The following SLC27A2 variants were observed in gnomAD, a reference collection of about 807,000 sequenced individuals.
SLC27A2 encodes the protein long-chain fatty acid transport protein 2.
In SLC27A2, 54 loss-of-function variants were observed where a neutral mutation model predicts 60.0. The ratio of observed to expected loss-of-function variants is 0.90; its 90% confidence interval spans 0.72 to 1.13. The LOEUF (loss-of-function observed/expected upper bound fraction) is 1.13. Ranked by LOEUF, SLC27A2 falls within the 50% of genes most tolerant of loss-of-function variation. The pLI is 0.00. For synonymous variants in SLC27A2, 297 were observed against 297.6 expected, an observed-to-expected ratio of 1.00 and a Z score of 0.02; for missense variants, 739 against 777.6, an observed-to-expected ratio of 0.95 and a Z score of 0.59.
intron 1 of SLC27A2, 98 bp downstream of exon 1, chr15:50,183,003 A>C (rs544586181): frequency 1.7e-6 from 2 of 1,210,586 alleles, no homozygotes; most frequent in Admixed American, 4.5e-5. Flanking sequence ...AGGGAGGTTC[A>C]GATCGGAACT....
intron 4 of SLC27A2, among the ~76,000 whole-genome samples, chr15:50,208,425 T>G (rs28464719): frequency 0.021 from 3,216 of 152,250 alleles, 101 homozygotes; most frequent in African/African-American, 0.075. Flanking sequence ...TCTCTAAATC[T>G]CAGCTTCCCG....
intron 1 of SLC27A2, among the ~76,000 whole-genome samples, chr15:50,184,706 G>A (rs928882860): frequency 3.3e-5 from 5 of 151,748 alleles, no homozygotes; most frequent in Admixed American, 6.6e-5. Context: ...GCATGGTGGC[G>A]CGTGCCTGTA....
At position 50,182,520 on chromosome 15, in the gene SLC27A2, C is replaced by T. The variant is rs2044864803; in HGVS notation, c.93C>T (p.Gly31=). The T allele has an allele frequency of 6.2e-7, 1 of 1,612,302 alleles. No homozygotes were observed. The highest frequency in any genetic ancestry group is 8.5e-7 in the Non-Finnish European group (1 of 1,179,328). The stretch of plus-strand genomic sequence containing the variant: ...GCCCATACTTCTTCCAGGACATAGG[C>T]TACTTCTTGAAGGTGGCCGCCGTGG... ...LCCPYFFQDI[G]YFLKVAAVGR... Residue 31 remains glycine (G), a synonymous_variant, in exon 1 of 10, where the codon GGC becomes GGT. Transcript: ENST00000267842.
chr15:50,231,276 T>C (rs1313103667), intron 8 of SLC27A2, among the ~76,000 whole-genome samples: 1 of 151,734 alleles, frequency 6.6e-6, no homozygotes, highest in Non-Finnish European at 1.5e-5. Flanking sequence ...GCCTCCTGAG[T>C]AGCTGGGATT....
At chr15:50,203,453 C>T (rs2045082403) in intron 3 of SLC27A2, among the ~76,000 whole-genome samples, 1 of 152,076 alleles carries the variant, frequency 6.6e-6, no homozygotes, top group Non-Finnish European at 1.5e-5. Context: ...AGTTGCCATC[C>T]TCTCTCCTTC....
Position 50,232,930 on chromosome 15 carries a change from C to A in SLC27A2, c.1556-938C>A, listed in dbSNP as rs189858406. Among the ~76,000 whole-genome samples, 10 of 152,324 alleles carry A rather than the reference C, an allele frequency of 6.6e-5. No individual in the cohort carries two copies. The East Asian group carries it at 1.7e-3, about 26-fold the overall frequency. On this transcript the variant is annotated intron_variant, in intron 8 of 9. Transcript: ENST00000267842. ...GGGCCCAGGTAACCAAGGGAGGCTC[C>A]TGTCTCCTCTCTGATTACAGCTGAG...
At chr15:50,195,631 G>A (rs576513219) in intron 1 of SLC27A2, among the ~76,000 whole-genome samples, 2 of 152,084 alleles carry the variant, frequency 1.3e-5, no homozygotes, top group Non-Finnish European at 2.9e-5. Context: ...GTTACCAGGT[G>A]CATGAGTCTT....
Position 50,222,894 on chromosome 15 carries a change from G to T in SLC27A2, c.973-71G>T, listed in dbSNP as rs931069559. On this transcript the variant is annotated intron_variant, in intron 4 of 9. Coordinates refer to ENST00000267842, the MANE Select transcript of SLC27A2 (RefSeq NM_003645.4). ...TAAATTAAATACATACAAAATAAAG[G>T]CAATTATTAATATGTAAGCATAGGC... 2.5e-6 allele frequency: 3 copies of T among 1,192,134 alleles called. No homozygotes were observed. The East Asian group carries it at 7.2e-5, about 29-fold the overall frequency. The allele number at this position is 1,192,134 out of a possible 1,614,324, so 73.8% of individuals were successfully genotyped here. A position where few individuals can be genotyped will look rare whatever the true frequency, so the allele number is the denominator to read the frequency against.
At chr15:50,234,350 G>C (rs1407259843) in intron 9 of SLC27A2, among the ~76,000 whole-genome samples, 1 of 152,130 alleles carries the variant, frequency 6.6e-6, no homozygotes, top group East Asian at 1.9e-4. Flanking sequence ...CACTTTGGGA[G>C]ACAGAGGCAG....
intron 9 of SLC27A2, 79 bp from the exon 10 acceptor site, chr15:50,235,841 G>A: frequency 9.7e-7 from 1 of 1,030,388 alleles, no homozygotes; most frequent in Non-Finnish European, 1.4e-6. Flanking sequence ...AGATCCCCAT[G>A]CCCCACCCCT....
At chr15:50,207,840 G>A (rs1252471751) in intron 4 of SLC27A2, among the ~76,000 whole-genome samples, 2 of 149,800 alleles carry the variant, frequency 1.3e-5, no homozygotes, top group Non-Finnish European at 3.0e-5. Context: ...TATGTCATTA[G>A]ACAAGCAGGA....
Position 50,226,160 on chromosome 15 carries a change from A to T in SLC27A2, c.1258+82A>T, listed in dbSNP as rs2045277127. 4 of 844,830 alleles carry T rather than the reference A, an allele frequency of 4.7e-6. No individual in the cohort carries two copies. The Admixed American group carries it at 7.9e-5, about 17-fold the overall frequency. The allele number at this position is 844,830 out of a possible 1,614,324, so 52.3% of individuals were successfully genotyped here. On this transcript the variant is annotated intron_variant, in intron 6 of 9. Coordinates refer to ENST00000267842, the MANE Select transcript of SLC27A2 (RefSeq NM_003645.4). ...TTTTAAGGACTAACATATTATTGCC[A>T]CATGGTAAAATTTATCAGAGTGGGG...
chr15:50,182,231 CT>C lies in SLC27A2; in HGVS notation c.-196del. The C allele has an allele frequency of 1.2e-6, 1 of 867,302 alleles. No homozygotes were observed. The highest frequency in any genetic ancestry group is 1.8e-5 in the African/African-American group (1 of 56,186). The allele number at this position is 867,302 out of a possible 1,614,324, so 53.7% of individuals were successfully genotyped here. The stretch of plus-strand genomic sequence containing the variant: ...GGAACCCCCGGCAACGCGCATACGA[CT>C]ACACCTGCTCCGGAGCCCGCGGCGG... On this transcript the variant is annotated 5_prime_UTR_variant, in exon 1 of 10. Transcript: ENST00000267842.
Position 50,182,559 on chromosome 15 carries a change from C to T in SLC27A2, c.132C>T (p.Arg44=), listed in dbSNP as rs1246973392. ...LKVAAVGRRV[R]SYGKRRPART... is the part of the protein sequence containing the mutation. ...TGGCCGCCGTGGGCCGGAGGGTGCGCAGCTACGGGAAGCGGCGGCCGGCGC... is the reference window on the plus strand; with the variant it reads ...TGGCCGCCGTGGGCCGGAGGGTGCGTAGCTACGGGAAGCGGCGGCCGGCGC... Residue 44 remains arginine (R), a synonymous_variant, in exon 1 of 10, where the codon CGC becomes CGT. Transcript: ENST00000267842. The T allele has an allele frequency of 1.2e-6, 2 of 1,612,962 alleles. No individual in the cohort carries two copies. Among genetic ancestry groups the T allele is most frequent in the Non-Finnish European group, 1.7e-6 (2 of 1,179,456 alleles).
At chr15:50,196,781 T>C (rs1226863262) in intron 1 of SLC27A2, among the ~76,000 whole-genome samples, 1 of 152,216 alleles carries the variant, frequency 6.6e-6, no homozygotes, top group Non-Finnish European at 1.5e-5. Context: ...GAAAACAGGC[T>C]TTTGAAATTT....
At chr15:50,196,076 AAATATATATATATATATATAT>A (rs1430991699) in intron 1 of SLC27A2, among the ~76,000 whole-genome samples, 3 of 17,736 alleles carry the variant, frequency 1.7e-4, no homozygotes, top group African/African-American at 7.5e-4. Flanking sequence ...AAAAAAAAAA[AAATATATATATATATATATAT>A]ATATATATAT....
At chr15:50,191,260 G>A (rs2044971362) in intron 1 of SLC27A2, among the ~76,000 whole-genome samples, 1 of 152,224 alleles carries the variant, frequency 6.6e-6, no homozygotes, top group African/African-American at 2.4e-5. Flanking sequence ...AGAGGTGGGT[G>A]CATGCTCTGA....
At position 50,196,080 on chromosome 15, in the gene SLC27A2, ATATATATATATATATATAT is replaced by A. The variant is rs2045019293; in HGVS notation, c.479-1419_479-1401del. Among the ~76,000 whole-genome samples the A allele has an allele frequency of 3.5e-3, 27 of 7,814 alleles. 4 individuals carry two copies. The highest frequency in any genetic ancestry group is 0.01 in the South Asian group (1 of 100). 5.1% of individuals were successfully genotyped at this position (7,814 alleles called of 152,430 possible). The stretch of plus-strand genomic sequence containing the variant: ...AAAAAAAAAAAAAAAAAAAAAAAAT[ATATATATATATATATATAT>A]ATATATATATATATATATATATATA... On this transcript the variant is annotated intron_variant, in intron 1 of 9. Transcript: ENST00000267842.
intron 1 of SLC27A2, among the ~76,000 whole-genome samples, chr15:50,185,609 C>A (rs1360093067): frequency 1.3e-4 from 20 of 148,474 alleles, no homozygotes; most frequent in Non-Finnish European, 5.9e-5. Flanking sequence ...CAAGAATCAC[C>A]TAGGAAGCTT....
Sources: gnomAD v4.1 joint callset for allele counts (sites outside exome capture counted in the v4.1 genomes callset) on GRCh38, gnomAD v4.1.1 for gene constraint, MANE v1.5 for transcripts, NCBI Gene and HGNC (gene_info 2026-07-23, HGNC 2026-07-21) for gene names.